Variants in CORO7 observed in about 807,000 individuals in gnomAD.
The protein encoded by CORO7 is coronin 7.
CORO7 carries 107 observed loss-of-function variants against 126.6 expected under a neutral mutation model. The observed-to-expected ratio is 0.85, with a 90% CI of 0.72 to 0.99. CORO7 has a LOEUF of 0.99. Among genes scored for constraint, CORO7 ranks in the 50% least tolerant of loss-of-function variants. The probability of loss-of-function intolerance (pLI) is 0.00; values close to 1 mark genes in which losing one functional copy is unlikely to be tolerated. For missense variants in CORO7, 1,314 were observed against 1,255.8 expected (o/e 1.05, Z -0.70); for synonymous variants, 603 against 536.8 (o/e 1.12, Z -1.70).
intron 7 of CORO7, among the ~76,000 whole-genome samples, chr16:4,392,276 C>T (rs1201657796): frequency 6.6e-6 from 1 of 152,044 alleles, no homozygotes; most frequent in East Asian, 1.9e-4. Flanking sequence ...AGTGGGGGTC[C>T]TGGGGGTTCT....
intron 5 of CORO7, 123 bp from the exon 6 acceptor site, chr16:4,405,690 C>T (rs2055972957): frequency 8.0e-6 from 9 of 1,130,540 alleles, no homozygotes; most frequent in Non-Finnish European, 9.9e-6. Flanking sequence ...CCTTTTCAGC[C>T]AAGGGGGCAA....
chr16:4,365,620 C>T (rs2054325251), intron 9 of CORO7, 75 bp from the exon 10 acceptor site: 1 of 1,536,088 alleles, frequency 6.5e-7, no homozygotes, highest in Non-Finnish European at 8.8e-7. Flanking sequence ...TGTAGGAGCC[C>T]AGGACAGGCA....
In CORO7 at chr16:4,387,943, G is replaced by C. The variant is rs114763488; in HGVS notation, c.785+43C>G. On this transcript the variant is annotated intron_variant, in intron 9 of 27. Transcript: ENST00000251166. ...CAGGTGCCCTCACCTGCGGCGCCTT[G>C]GGTCATCAGCCCCCCAGCCCACCTG... is the stretch of plus-strand genomic sequence containing the variant. 4 of 1,608,334 alleles carry C rather than the reference G, an allele frequency of 2.5e-6. No homozygotes were observed. The South Asian group carries it at 3.3e-5, about 13-fold the overall frequency.
At chr16:4,406,305 T>C (rs1383520400) in intron 5 of CORO7, among the ~76,000 whole-genome samples, 1 of 150,836 alleles carries the variant, frequency 6.6e-6, no homozygotes, top group East Asian at 2.0e-4. Context: ...CGGCCTATTA[T>C]TATTTTTTGA....
chr16:4,381,517 C>G (rs774317442), intron 9 of CORO7: 5 of 1,598,882 alleles, frequency 3.1e-6, no homozygotes, highest in Middle Eastern at 1.7e-4. Flanking sequence ...GCTCTTCAGC[C>G]GCTTGCGCAA....
At chr16:4,379,685 T>C (rs1303418599) in intron 9 of CORO7, among the ~76,000 whole-genome samples, 1 of 152,012 alleles carries the variant, frequency 6.6e-6, no homozygotes, top group Non-Finnish European at 1.5e-5. Context: ...ACTTGCACCA[T>C]CACTGCCAAG....
intron 9 of CORO7, among the ~76,000 whole-genome samples, chr16:4,387,167 G>A (rs985947686): frequency 8.6e-5 from 13 of 151,920 alleles, no homozygotes; most frequent in Non-Finnish European, 1.6e-4. Flanking sequence ...GCCTGGCTAC[G>A]TCTCTGAACA....
intron 9 of CORO7, among the ~76,000 whole-genome samples, chr16:4,387,150 C>T (rs2055220044): frequency 6.6e-6 from 1 of 152,178 alleles, no homozygotes. Flanking sequence ...CTCTCCACCC[C>T]GGCCCTGCCT....
intron 8 of CORO7, 104 bp downstream of exon 8, chr16:4,388,441 A>T (rs2055271488): frequency 7.8e-7 from 1 of 1,287,944 alleles, no homozygotes; most frequent in African/African-American, 1.5e-5. Context: ...ACAGGCCTGG[A>T]ACTGGCCCTC....
intron 9 of CORO7, among the ~76,000 whole-genome samples, chr16:4,379,353 G>T (rs1352987163): frequency 6.6e-6 from 1 of 152,068 alleles, no homozygotes; most frequent in Non-Finnish European, 1.5e-5. Context: ...GGCCCCAGCG[G>T]TCTCCCCAGG....
At chr16:4,413,434 T>C (rs965575382) in intron 1 of CORO7, 30 bp from the exon 2 acceptor site, 10 of 1,549,990 alleles carry the variant, frequency 6.5e-6, no homozygotes, top group Non-Finnish European at 8.7e-6. Flanking sequence ...AAGTATGTGG[T>C]GAGAGCCAGG....
At chr16:4,404,739 C>T (rs1567299631) in intron 6 of CORO7, among the ~76,000 whole-genome samples, 1 of 152,138 alleles carries the variant, frequency 6.6e-6, no homozygotes, top group Non-Finnish European at 1.5e-5. Context: ...ACTTGGCTTC[C>T]TCCTCCCAAA....
chr16:4,414,912 T>G (rs939756945), intron 1 of CORO7, among the ~76,000 whole-genome samples: 1 of 152,130 alleles, frequency 6.6e-6, no homozygotes, highest in African/African-American at 2.4e-5. Context: ...CCCAGGCTGG[T>G]GTGTAGTGGC....
intron 2 of CORO7, 35 bp downstream of exon 2, chr16:4,413,273 G>A: frequency 6.5e-7 from 1 of 1,545,798 alleles, no homozygotes; most frequent in African/African-American, 1.4e-5. Context: ...GACCGAATAT[G>A]TGAGCAAATA....
chr16:4,359,504 A>C lies in CORO7; in HGVS notation c.2226T>G (p.Thr742=). The C allele has an allele frequency of 6.2e-7, 1 of 1,613,464 alleles. No homozygotes were observed. The highest frequency in any genetic ancestry group is 8.5e-7 in the Non-Finnish European group (1 of 1,179,964). Residue 742 remains threonine (T), a synonymous_variant, in exon 22 of 28, where the codon ACT becomes ACG. Coordinates refer to ENST00000251166, the MANE Select transcript of CORO7 (RefSeq NM_024535.5). ...CCTTGCCGGTCAGGAGCACCAGGCC[A>C]GTGTCTGGGTCGTAGCTGGGCAGCA... is the stretch of plus-strand genomic sequence containing the variant. ...STLLPSYDPD[T]GLVLLTGKGD...
chr16:4,369,270 C>T (rs780315845), intron 9 of CORO7, among the ~76,000 whole-genome samples: 2 of 152,278 alleles, frequency 1.3e-5, no homozygotes, highest in Non-Finnish European at 2.9e-5. Flanking sequence ...TGGCACCCAG[C>T]CCCAAAGGTT....
chr16:4,399,006 C>T (rs548315982), intron 6 of CORO7, among the ~76,000 whole-genome samples: 56 of 151,486 alleles, frequency 3.7e-4, no homozygotes, highest in African/African-American at 1.2e-3. Flanking sequence ...TTGGTGGGTA[C>T]GTGAAGTTAG....
chr16:4,408,792 G>A (rs1444742041), intron 3 of CORO7, among the ~76,000 whole-genome samples: 3 of 152,132 alleles, frequency 2.0e-5, no homozygotes, highest in Non-Finnish European at 2.9e-5. Flanking sequence ...GTGAAACCCC[G>A]TCTCTACAAA....
chr16:4,391,371 C>T (rs2055383001), intron 7 of CORO7, among the ~76,000 whole-genome samples: 1 of 152,196 alleles, frequency 6.6e-6, no homozygotes, highest in South Asian at 2.1e-4. Flanking sequence ...GCCTGGCCAA[C>T]ATGGTGAAAC....
Sources: gnomAD v4.1 joint callset for allele counts (sites outside exome capture counted in the v4.1 genomes callset) on GRCh38, gnomAD v4.1.1 for gene constraint, MANE v1.5 for transcripts, NCBI Gene and HGNC (gene_info 2026-07-23, HGNC 2026-07-21) for gene names.